The following RORA variants were observed in gnomAD, a reference collection of about 807,000 sequenced individuals.
RORA encodes RAR related orphan receptor A.
RORA carries 7 observed loss-of-function variants against 69.5 expected under a neutral mutation model. The ratio of observed to expected loss-of-function variants is 0.10; its 90% confidence interval spans 0.06 to 0.19. The LOEUF (loss-of-function observed/expected upper bound fraction) is 0.19. Among genes scored for constraint, RORA ranks in the 10% least tolerant of loss-of-function variants. The probability of loss-of-function intolerance (pLI) is 1.00; values close to 1 mark genes in which losing one functional copy is unlikely to be tolerated. For missense variants in RORA, 457 were observed against 663.0 expected (o/e 0.69, Z 3.41); for synonymous variants, 261 against 240.8 (o/e 1.08, Z -0.78).
intron 1 of RORA, among the ~76,000 whole-genome samples, chr15:61,029,254 G>A (rs758921577): frequency 1.3e-5 from 2 of 152,146 alleles, no homozygotes; most frequent in African/African-American, 4.8e-5. Flanking sequence ...AAGCTGAGGA[G>A]CAAAGCTCCT....
intron 1 of RORA, among the ~76,000 whole-genome samples, chr15:60,734,364 A>C (rs2071471314): frequency 6.6e-6 from 1 of 152,064 alleles, no homozygotes; most frequent in Admixed American, 6.5e-5. Context: ...GCCAACTACC[A>C]CATCTGGAGC....
At chr15:61,112,386 A>G (rs2079014487) in intron 1 of RORA, among the ~76,000 whole-genome samples, 1 of 152,108 alleles carries the variant, frequency 6.6e-6, no homozygotes, top group Admixed American at 6.6e-5. Flanking sequence ...GGAGAGTAGG[A>G]GAGTGTGCGC....
At chr15:60,933,634 G>T (rs765818272) in intron 1 of RORA, among the ~76,000 whole-genome samples, 3 of 152,160 alleles carry the variant, frequency 2.0e-5, no homozygotes, top group Non-Finnish European at 4.4e-5. Context: ...AGAGGGGTGG[G>T]GGAGGATGTC....
intron 2 of RORA, among the ~76,000 whole-genome samples, chr15:60,540,939 T>A (rs1054923194): frequency 3.3e-5 from 5 of 152,194 alleles, no homozygotes; most frequent in African/African-American, 1.2e-4. Flanking sequence ...CCACAGATCA[T>A]TTTAGTGGGT....
At chr15:61,142,893 C>T (rs2079313503) in intron 1 of RORA, among the ~76,000 whole-genome samples, 1 of 152,098 alleles carries the variant, frequency 6.6e-6, no homozygotes, top group Non-Finnish European at 1.5e-5. Context: ...ACACATGCAT[C>T]AGCTCAAAAG....
intron 1 of RORA, among the ~76,000 whole-genome samples, chr15:60,849,380 T>A (rs341407): frequency 0.61 from 93,503 of 152,048 alleles, 29,494 homozygotes; most frequent in East Asian, 0.91. Flanking sequence ...CTGAAAACTT[T>A]TAGGGAAAAA....
intron 2 of RORA, among the ~76,000 whole-genome samples, chr15:60,566,585 A>C (rs571499775): frequency 6.6e-6 from 1 of 152,228 alleles, no homozygotes; most frequent in African/African-American, 2.4e-5. Context: ...AGTCTTACAC[A>C]TTACTTGAGG....
At chr15:60,925,702 C>T (rs1892196492) in intron 1 of RORA, among the ~76,000 whole-genome samples, 1 of 152,210 alleles carries the variant, frequency 6.6e-6, no homozygotes, top group Non-Finnish European at 1.5e-5. Flanking sequence ...GCTTCCGTTT[C>T]TTCACTGGAA....
intron 1 of RORA, among the ~76,000 whole-genome samples, chr15:61,044,572 T>C (rs1896936095): frequency 6.6e-6 from 1 of 152,270 alleles, no homozygotes; most frequent in Non-Finnish European, 1.5e-5. Flanking sequence ...ATTTTGGATA[T>C]ATTGAGTTAA....
intron 1 of RORA, among the ~76,000 whole-genome samples, chr15:60,750,875 A>C (rs1372696197): frequency 6.6e-6 from 1 of 152,186 alleles, no homozygotes; most frequent in Non-Finnish European, 1.5e-5. Context: ...CCATAAACAC[A>C]GTCATCTGAG....
Position 60,832,281 on chromosome 15 carries a change from C to T in RORA, c.167-153595G>A, listed in dbSNP as rs557930002. 9.8e-5 allele frequency among the ~76,000 whole-genome samples: 15 copies of T among 152,290 alleles called. No individual in the cohort carries two copies. In the East Asian group the frequency reaches 1.4e-3, roughly 14 times the overall value. Reference sequence around the variant, plus strand: ...GCACTCCCAAGCCTATCCCACACCACCCCTCCAGTTTGCCAGGAATTTTCC... The same window carrying T: ...GCACTCCCAAGCCTATCCCACACCATCCCTCCAGTTTGCCAGGAATTTTCC... On this transcript the variant is annotated intron_variant, in intron 1 of 10. Coordinates refer to ENST00000335670, the MANE Select transcript of RORA (RefSeq NM_134261.3).
chr15:60,641,582 TG>T (rs1393252075), intron 2 of RORA, among the ~76,000 whole-genome samples: 3 of 152,012 alleles, frequency 2.0e-5, no homozygotes, highest in Admixed American at 2.0e-4. Flanking sequence ...GCTAATTTTT[TG>T]TATTTTTAGT....
At chr15:61,089,240 G>A (rs1360882349) in intron 1 of RORA, among the ~76,000 whole-genome samples, 1 of 152,174 alleles carries the variant, frequency 6.6e-6, no homozygotes, top group Non-Finnish European at 1.5e-5. Context: ...GTGAATATGA[G>A]TAAATCCCCC....
chr15:60,832,446 A>G (rs1362861086), intron 1 of RORA, among the ~76,000 whole-genome samples: 2 of 152,150 alleles, frequency 1.3e-5, no homozygotes, highest in African/African-American at 2.4e-5. Context: ...GCCACCTTGA[A>G]CATGCAAATA....
chr15:60,603,441 T>G (rs1036887250), intron 2 of RORA, among the ~76,000 whole-genome samples: 5 of 152,210 alleles, frequency 3.3e-5, no homozygotes, highest in Non-Finnish European at 7.4e-5. Context: ...TGTTGAATAT[T>G]TATCCATTCA....
intron 1 of RORA, among the ~76,000 whole-genome samples, chr15:61,056,491 G>C (rs2078098440): frequency 6.6e-6 from 1 of 152,186 alleles, no homozygotes; most frequent in African/African-American, 2.4e-5. Flanking sequence ...TTATTCAGAA[G>C]TACGGAATTA....
chr15:60,775,817 A>G (rs117594242), intron 1 of RORA, among the ~76,000 whole-genome samples: 5,282 of 152,314 alleles, frequency 0.035, 131 homozygotes, highest in Non-Finnish European at 0.051. Context: ...CTTTAGGTTT[A>G]AAATTACTGA....
rs1438473612 is a variant in RORA, at chr15:60,495,279, T to C, written c.*2176A>G. The C allele has an allele frequency of 6.6e-6, 1 of 152,232 alleles. No individual in the cohort carries two copies. The highest frequency in any genetic ancestry group is 6.5e-5 in the Admixed American group (1 of 15,274). The allele number at this position is 152,232 out of a possible 1,614,324, so 9.4% of individuals were successfully genotyped here. A position where few individuals can be genotyped will look rare whatever the true frequency, so the allele number is the denominator to read the frequency against. On this transcript the variant is annotated 3_prime_UTR_variant, in exon 11 of 11. Coordinates refer to ENST00000335670, the MANE Select transcript of RORA (RefSeq NM_134261.3). ...ATGCTTACTTAAATTAAAGATTTGA[T>C]TTAACCCTTCTTGCCCCAATATAAA...
intron 1 of RORA, among the ~76,000 whole-genome samples, chr15:61,035,579 G>A (rs1456523139): frequency 6.6e-6 from 1 of 152,148 alleles, no homozygotes; most frequent in African/African-American, 2.4e-5. Flanking sequence ...AAACCACGTG[G>A]AGACCTTCAA....
Sources: allele counts gnomAD v4.1 joint callset (sites outside exome capture counted in the v4.1 genomes callset), GRCh38; gene constraint gnomAD v4.1.1; transcripts MANE v1.5; gene names NCBI Gene and HGNC (gene_info 2026-07-23, HGNC 2026-07-21).